The following HACD1 variants were observed in gnomAD, a reference collection of about 807,000 sequenced individuals.
The protein encoded by HACD1 is very-long-chain (3R)-3-hydroxyacyl-CoA dehydratase 1.
In HACD1, 41 loss-of-function variants were observed where a neutral mutation model predicts 32.0. The observed-to-expected ratio is 1.28, with a 90% CI of 1.00 to 1.66. The LOEUF (loss-of-function observed/expected upper bound fraction) is 1.66. HACD1 is among the 40% of genes most tolerant of loss of function. HACD1 has a pLI of 0.00. For missense variants in HACD1, 396 were observed against 380.1 expected (o/e 1.04, Z -0.35); for synonymous variants, 142 against 139.0 (o/e 1.02, Z -0.15).
At chr10:17,612,357 T>C (rs1305719830) in intron 1 of HACD1, among the ~76,000 whole-genome samples, 1 of 152,188 alleles carries the variant, frequency 6.6e-6, no homozygotes, top group Non-Finnish European at 1.5e-5. Flanking sequence ...TGGAAAAATA[T>C]ACAATACAGC....
intron 6 of HACD1, 46 bp downstream of exon 6, chr10:17,594,159 T>C: frequency 7.8e-7 from 1 of 1,288,636 alleles, no homozygotes; most frequent in Non-Finnish European, 1.0e-6. Flanking sequence ...TTTCAAAAAT[T>C]TCCACATCAT....
chr10:17,597,995 C>T (rs1169669728), intron 5 of HACD1, among the ~76,000 whole-genome samples: 4 of 152,084 alleles, frequency 2.6e-5, no homozygotes, highest in Non-Finnish European at 4.4e-5. Flanking sequence ...CGCAGTGGCT[C>T]ACACCTGTAA....
In HACD1 at chr10:17,598,197, T is replaced by C. The variant is rs115214740; in HGVS notation, c.605+1093A>G. 4.5e-3 allele frequency among the ~76,000 whole-genome samples: 653 copies of C among 145,382 alleles called. 7 individuals carry two copies. The highest frequency in any genetic ancestry group is 0.016 in the African/African-American group (626 of 37,948). On this transcript the variant is annotated intron_variant, in intron 5 of 6. Transcript: ENST00000361271. Reference sequence around the variant, plus strand: ...ATCGCTTGAGCCCAGGTGGTGGATATTGAAGTGAGCCGAGATCGTGCCACT... The same window carrying C: ...ATCGCTTGAGCCCAGGTGGTGGATACTGAAGTGAGCCGAGATCGTGCCACT...
chr10:17,612,731 C>T (rs1254724170), intron 1 of HACD1, among the ~76,000 whole-genome samples: 3 of 151,574 alleles, frequency 2.0e-5, no homozygotes, highest in Admixed American at 1.3e-4. Context: ...CCAACCTGGC[C>T]AACACGGTGA....
chr10:17,601,237 T>G (rs1047838581), intron 4 of HACD1, among the ~76,000 whole-genome samples: 2 of 152,082 alleles, frequency 1.3e-5, no homozygotes, highest in African/African-American at 4.8e-5. Flanking sequence ...TTTCACCATG[T>G]TGGCCAGGCT....
At chr10:17,613,127 TGTGTGTGTGTGTGTG>T (rs1174029717) in intron 1 of HACD1, among the ~76,000 whole-genome samples, 1 of 139,464 alleles carries the variant, frequency 7.2e-6, no homozygotes, top group Non-Finnish European at 1.6e-5. Context: ...TGTGTGTGTG[TGTGTGTGTGTGTGTG>T]TGTGTTTTGT....
chr10:17,603,962 G>A lies in HACD1; in HGVS notation c.343C>T (p.Leu115Phe). 4 of 1,611,448 alleles carry A rather than the reference G, an allele frequency of 2.5e-6. No homozygotes were observed. The highest frequency in any genetic ancestry group is 3.4e-6 in the Non-Finnish European group (4 of 1,178,618). ...RGLYKSIQKT[L>F]KFFQTFALLE... The stretch of plus-strand genomic sequence containing the variant: ...AAGGCAAATGTCTGGAAAAATTTAA[G>A]TGTCTTCTGAATACTTTTATATAAA... Residue 115 changes from leucine to phenylalanine, a missense_variant, in exon 2 of 7, where the codon CTT (leucine) becomes TTT (phenylalanine). Coordinates refer to ENST00000361271, the MANE Select transcript of HACD1 (RefSeq NM_014241.4).
Position 17,590,093 on chromosome 10 carries a change from A to C in HACD1, c.*271T>G, listed in dbSNP as rs1488111651. 4.5e-6 allele frequency: 1 copy of C among 223,410 alleles called. No individual in the cohort carries two copies. The highest frequency in any genetic ancestry group is 8.7e-6 in the Non-Finnish European group (1 of 115,246). 13.8% of individuals were successfully genotyped at this position (223,410 alleles called of 1,614,324 possible). On this transcript the variant is annotated 3_prime_UTR_variant, in exon 7 of 7. Coordinates refer to ENST00000361271, the MANE Select transcript of HACD1 (RefSeq NM_014241.4). ...GAGCATGTTTCAAAAAAAACTTAGCAAAAGTTTTTTTTTCCCCCAGATAAT... is the reference window on the plus strand; with the variant it reads ...GAGCATGTTTCAAAAAAAACTTAGCCAAAGTTTTTTTTTCCCCCAGATAAT...
intron 6 of HACD1, among the ~76,000 whole-genome samples, chr10:17,593,516 T>A (rs1351619262): frequency 6.6e-6 from 1 of 152,172 alleles, no homozygotes; most frequent in Non-Finnish European, 1.5e-5. Context: ...GGTTTTGCCA[T>A]GTTGGCCAGC....
chr10:17,596,484 AT>A (rs61351331), intron 5 of HACD1, among the ~76,000 whole-genome samples: 32,405 of 144,926 alleles, frequency 0.22, 3,645 homozygotes, highest in African/African-American at 0.3. Flanking sequence ...TTTTCAAAAG[AT>A]TTTTTTTTTT....
chr10:17,604,164 C>T, intron 1 of HACD1, 117 bp from the exon 2 acceptor site: 1 of 716,562 alleles, frequency 1.4e-6, no homozygotes. Flanking sequence ...CCCAGGTGTC[C>T]ATAAGTGAGT....
chr10:17,595,709 T>TA (rs1200142465), intron 5 of HACD1, among the ~76,000 whole-genome samples: 39 of 146,672 alleles, frequency 2.7e-4, no homozygotes, highest in African/African-American at 2.2e-4. Flanking sequence ...ATTTCTTCAT[T>TA]AAAAAAAAAA....
intron 1 of HACD1, among the ~76,000 whole-genome samples, chr10:17,609,491 T>C (rs1441619582): frequency 6.6e-6 from 1 of 151,980 alleles, no homozygotes. Flanking sequence ...CCCAAGAAGA[T>C]ATATGATTGG....
rs879949529 is a variant in HACD1 at position 17,589,177 on chromosome 10, A to G, written c.*1187T>C. ...ACCTAAGTACCACAAAGGGATTATCATAACAATTGTTACAAGATAATTCTA... is the reference window on the plus strand; with the variant it reads ...ACCTAAGTACCACAAAGGGATTATCGTAACAATTGTTACAAGATAATTCTA... On this transcript the variant is annotated 3_prime_UTR_variant, in exon 7 of 7. Coordinates refer to ENST00000361271, the MANE Select transcript of HACD1 (RefSeq NM_014241.4). 3.3e-5 allele frequency: 5 copies of G among 152,232 alleles called. No homozygotes were observed. Among genetic ancestry groups the G allele is most frequent in the Non-Finnish European group, 7.3e-5 (5 of 68,048 alleles). 9.4% of individuals were successfully genotyped at this position (152,232 alleles called of 1,614,324 possible).
intron 4 of HACD1, 29 bp from the exon 5 acceptor site, chr10:17,599,440 A>G: frequency 2.5e-6 from 4 of 1,605,738 alleles, no homozygotes; most frequent in Non-Finnish European, 3.4e-6. Flanking sequence ...ACCCAGTGTC[A>G]TTCAACCTAG....
At position 17,596,226 on chromosome 10, in the gene HACD1, C is replaced by A. The variant is rs545741899; in HGVS notation, c.606-1843G>T. On this transcript the variant is annotated intron_variant, in intron 5 of 6. Coordinates refer to ENST00000361271, the MANE Select transcript of HACD1 (RefSeq NM_014241.4). The stretch of plus-strand genomic sequence containing the variant: ...CGAAGATAAGAGATGGGGAGAAGGG[C>A]AGAATTATTTGCCAAAATAGATGAG... Among the ~76,000 whole-genome samples the A allele has an allele frequency of 7.2e-4, 110 of 152,186 alleles. No individual in the cohort carries two copies. In the South Asian group the frequency reaches 0.011, roughly 15 times the overall value.
At chr10:17,614,862 C>T (rs1221644984) in intron 1 of HACD1, among the ~76,000 whole-genome samples, 2 of 152,168 alleles carry the variant, frequency 1.3e-5, no homozygotes, top group African/African-American at 4.8e-5. Flanking sequence ...ACGCCATTCT[C>T]CTGCCTCAGC....
intron 4 of HACD1, among the ~76,000 whole-genome samples, chr10:17,599,881 C>T (rs1447929228): frequency 2.6e-5 from 4 of 152,176 alleles, no homozygotes; most frequent in African/African-American, 9.7e-5. Flanking sequence ...TTATTGTCCT[C>T]ATGAATGCAA....
intron 4 of HACD1, among the ~76,000 whole-genome samples, chr10:17,599,976 T>G (rs1427842344): frequency 3.3e-5 from 5 of 152,244 alleles, no homozygotes; most frequent in Admixed American, 3.3e-4. Context: ...AAAGTTTCAC[T>G]GGTCCCACAC....
Sources: gnomAD v4.1 joint callset for allele counts (sites outside exome capture counted in the v4.1 genomes callset) on GRCh38, gnomAD v4.1.1 for gene constraint, MANE v1.5 for transcripts, NCBI Gene and HGNC (gene_info 2026-07-23, HGNC 2026-07-21) for gene names.